Variants in ASAP2 observed in about 807,000 individuals in gnomAD.
ASAP2 encodes the protein arf-GAP with SH3 domain, ANK repeat and PH domain-containing protein 2.
In ASAP2, 45 loss-of-function variants were observed where a neutral mutation model predicts 131.4. The ratio of observed to expected loss-of-function variants is 0.34; its 90% CI spans 0.27 to 0.44. The LOEUF (loss-of-function observed/expected upper bound fraction) is 0.44. Among genes scored for constraint, ASAP2 ranks in the 20% least tolerant of loss-of-function variants. The pLI, the probability that ASAP2 is intolerant of heterozygous loss-of-function variation, is 1.00. For synonymous variants in ASAP2, 510 were observed against 503.0 expected, an observed-to-expected ratio of 1.01 and a Z score of -0.19; for missense variants, 1,011 against 1,297.0, an observed-to-expected ratio of 0.78 and a Z score of 3.39.
In ASAP2 at chr2:9,268,957, T is replaced by A. The variant is rs1161089798; in HGVS notation, c.127-10360T>A. Among the ~76,000 whole-genome samples, 1 of 151,904 alleles carries A rather than the reference T, an allele frequency of 6.6e-6. No homozygotes were observed. Among genetic ancestry groups the A allele is most frequent in the Non-Finnish European group, 1.5e-5 (1 of 67,980 alleles). On this transcript the variant is annotated intron_variant, in intron 1 of 27. Transcript: ENST00000281419. The surrounding 1 kb of genome is among the most constrained non-coding windows in gnomAD (Gnocchi z 4.1). ...CAAACCGGTGCTGTGCTGCCTGCAG[T>A]GTGGGCTCCCTGTCAGGGCTGGGAG... is the stretch of plus-strand genomic sequence containing the variant.
At chr2:9,289,169 C>G (rs1475439664) in intron 2 of ASAP2, among the ~76,000 whole-genome samples, 1 of 152,212 alleles carries the variant, frequency 6.6e-6, no homozygotes, top group African/African-American at 2.4e-5. Context: ...TTTGGCTGCT[C>G]TCCGTTACCT....
chr2:9,309,164 A>G (rs977261071), intron 3 of ASAP2, among the ~76,000 whole-genome samples: 3 of 152,130 alleles, frequency 2.0e-5, no homozygotes, highest in Non-Finnish European at 4.4e-5. Flanking sequence ...CCATCCCACA[A>G]ATGATCATGG....
rs1022357500 is a variant in ASAP2, at chr2:9,379,044, G to A, written c.1933G>A (p.Ala645Thr). Residue 645 changes from alanine (A) to threonine (T), a missense_variant, in exon 19 of 28, where the codon GCC (alanine) becomes ACC (threonine). By Grantham distance (58) the Ala-to-Thr change is moderately conservative. Transcript: ENST00000281419. ...CCTCAAGTTGCTCCTGCGGGGGAAG[G>A]CCTCCATCGAGATAGGTGAGTGGGC... is the stretch of plus-strand genomic sequence containing the variant. Reference protein sequence around the residue: ...ECLKLLLRGKASIEIANESGE... With the variant: ...ECLKLLLRGKTSIEIANESGE... 6.4e-7 allele frequency: 1 copy of A among 1,568,370 alleles called. No individual in the cohort carries two copies. Among genetic ancestry groups the A allele is most frequent in the Non-Finnish European group, 8.7e-7 (1 of 1,155,932 alleles).
chr2:9,382,250 C>T (rs950245048), intron 20 of ASAP2, among the ~76,000 whole-genome samples: 3 of 152,198 alleles, frequency 2.0e-5, no homozygotes, highest in Non-Finnish European at 4.4e-5. Flanking sequence ...TCCCAAAGTG[C>T]TGGGATTATA....
chr2:9,376,808 T>C, intron 17 of ASAP2, 100 bp from the exon 18 acceptor site: 1 of 1,086,904 alleles, frequency 9.2e-7, no homozygotes, highest in African/African-American at 1.6e-5. Flanking sequence ...AAGGGAAAGA[T>C]AAAAGACTTT....
Position 9,393,467 on chromosome 2 carries a change from C to G in ASAP2, c.2519-15C>G, listed in dbSNP as rs1191053404. 4.9e-5 allele frequency: 78 copies of G among 1,598,668 alleles called. No individual in the cohort carries two copies. The highest frequency in any genetic ancestry group is 6.6e-5 in the Non-Finnish European group (77 of 1,172,562). On this transcript the variant is annotated splice_polypyrimidine_tract_variant and intron_variant, in intron 23 of 27. Coordinates refer to ENST00000281419, the MANE Select transcript of ASAP2 (RefSeq NM_003887.3). ...GGCGGCTGACCCTCTGCACGTCTCT[C>G]CCTGTCCTCCGCAGATCCCCTGACC...
intron 1 of ASAP2, among the ~76,000 whole-genome samples, chr2:9,230,473 G>A (rs1341262263): frequency 6.6e-6 from 1 of 152,218 alleles, no homozygotes; most frequent in African/African-American, 2.4e-5. Flanking sequence ...GGCAAAAACT[G>A]TGCTGAGACT....
At chr2:9,322,791 A>T (rs1670234580) in intron 5 of ASAP2, among the ~76,000 whole-genome samples, 1 of 152,180 alleles carries the variant, frequency 6.6e-6, no homozygotes, top group African/African-American at 2.4e-5. Flanking sequence ...GAAGAGTCAG[A>T]CGGTGCCCTT....
chr2:9,382,018 C>T (rs1251353746), intron 20 of ASAP2, among the ~76,000 whole-genome samples: 1 of 126,182 alleles, frequency 7.9e-6, no homozygotes, highest in Non-Finnish European at 1.6e-5. Flanking sequence ...GAGTCTTACT[C>T]TGTCACCCAG....
At chr2:9,270,901 T>C (rs1308448354) in intron 1 of ASAP2, among the ~76,000 whole-genome samples, 3 of 146,016 alleles carry the variant, frequency 2.1e-5, no homozygotes, top group Non-Finnish European at 4.5e-5. Flanking sequence ...CACGCCATTC[T>C]CCTGCCTCAG....
chr2:9,312,109 A>G (rs920859996), intron 3 of ASAP2, among the ~76,000 whole-genome samples: 1 of 152,308 alleles, frequency 6.6e-6, no homozygotes, highest in East Asian at 1.9e-4. Context: ...AAGTGGTGCA[A>G]CCATCACCTC....
chr2:9,298,603 C>G (rs1668294227), intron 3 of ASAP2, among the ~76,000 whole-genome samples: 1 of 152,244 alleles, frequency 6.6e-6, no homozygotes, highest in Admixed American at 6.5e-5. Flanking sequence ...TGCCTCAGCC[C>G]CATGCCCTGG....
At position 9,356,316 on chromosome 2, in the gene ASAP2, A is replaced by G. The variant is rs765517506; in HGVS notation, c.1298A>G (p.Asn433Ser). 7 of 1,609,644 alleles carry G rather than the reference A, an allele frequency of 4.3e-6. No individual in the cohort carries two copies. Among genetic ancestry groups the G allele is most frequent in the African/African-American group, 1.3e-5 (1 of 74,840 alleles). The change falls in exon 14 of 28, where the codon AAT becomes AGT. Residue 433 changes from asparagine (N) to serine (S), a missense_variant. Asn to Ser is a conservative substitution (Grantham distance 46). This residue lies in a region of ASAP2 where 359 missense variants were observed against 598.1 expected (regional missense o/e 0.60). Coordinates refer to ENST00000281419, the MANE Select transcript of ASAP2 (RefSeq NM_003887.3). ...TCAGAAGTGCAGAGGATGACGGGCA[A>G]TGACGTCTGCTGTGACTGTGGGGCG... ...IISEVQRMTGNDVCCDCGAPD... is the reference protein window; with the variant it reads ...IISEVQRMTGSDVCCDCGAPD...
At chr2:9,399,650 G>T in intron 24 of ASAP2, 1 of 265,544 alleles carries the variant, frequency 3.8e-6, no homozygotes, top group Non-Finnish European at 7.2e-6. Flanking sequence ...AAGCCATCTG[G>T]GCCTGAGGTT....
chr2:9,344,418 AT>A (rs1418698555), intron 9 of ASAP2, 113 bp from the exon 10 acceptor site: 4 of 800,154 alleles, frequency 5.0e-6, no homozygotes, highest in Non-Finnish European at 7.5e-6. Context: ...AATTTCTCCA[AT>A]TTTTGTTGTT....
intron 3 of ASAP2, among the ~76,000 whole-genome samples, chr2:9,313,536 G>C (rs1327754386): frequency 6.6e-6 from 1 of 152,222 alleles, no homozygotes; most frequent in African/African-American, 2.4e-5. Flanking sequence ...ATCACTGGAT[G>C]GTTCTGGTGC....
At chr2:9,339,706 C>G (rs1671452098) in intron 9 of ASAP2, among the ~76,000 whole-genome samples, 1 of 152,106 alleles carries the variant, frequency 6.6e-6, no homozygotes, top group East Asian at 1.9e-4. Flanking sequence ...GGTCCGTCCT[C>G]TGGCCCTATG....
At chr2:9,219,540 A>G (rs1170365531) in intron 1 of ASAP2, among the ~76,000 whole-genome samples, 1 of 152,110 alleles carries the variant, frequency 6.6e-6, no homozygotes, top group African/African-American at 2.4e-5. Flanking sequence ...AGGAACAAAA[A>G]TCAGCCAGGA....
chr2:9,383,527 G>A (rs1675031354), intron 20 of ASAP2, among the ~76,000 whole-genome samples: 1 of 152,126 alleles, frequency 6.6e-6, no homozygotes, highest in Non-Finnish European at 1.5e-5. Flanking sequence ...CCAAAATGCT[G>A]GGATTACAGG....
Sources: allele counts gnomAD v4.1 joint callset (sites outside exome capture counted in the v4.1 genomes callset), GRCh38; gene constraint gnomAD v4.1.1; regional missense constraint gnomAD v4.1.1; non-coding constraint Gnocchi (gnomAD v3.1); transcripts MANE v1.5; gene names NCBI Gene and HGNC (gene_info 2026-07-23, HGNC 2026-07-21).